The following GRAMD4 variants were observed in gnomAD, a reference collection of about 807,000 sequenced individuals.
GRAMD4 encodes GRAM domain containing 4, also known as GRAM domain-containing protein 4.
In GRAMD4, 25 loss-of-function variants were observed where a neutral mutation model predicts 83.9. The ratio of observed to expected loss-of-function variants is 0.30; its 90% CI spans 0.22 to 0.42. The LOEUF is 0.42. Ranked by LOEUF, GRAMD4 falls within the 10% of genes least tolerant of loss-of-function variation. The pLI is 1.00. For missense variants in GRAMD4, 593 were observed against 788.7 expected, an observed-to-expected ratio of 0.75 and a Z score of 2.97; for synonymous variants, 336 against 320.9, an observed-to-expected ratio of 1.05 and a Z score of -0.50.
chr22:46,654,321 C>T (rs1001155415), intron 3 of GRAMD4, among the ~76,000 whole-genome samples: 3 of 152,204 alleles, frequency 2.0e-5, no homozygotes, highest in African/African-American at 7.2e-5. Context: ...AGGGCCAGCC[C>T]GGGCTCACGC....
At chr22:46,601,599 C>T (rs9626890) in intron 1 of GRAMD4, among the ~76,000 whole-genome samples, 8,102 of 152,028 alleles carry the variant, frequency 0.053, 555 homozygotes, top group African/African-American at 0.16. Context: ...GAGTTCGAGA[C>T]CAGTCTGGCA....
In GRAMD4 at chr22:46,678,085, T is replaced by C. The variant is rs1322472324; in HGVS notation, c.*834T>C. On this transcript the variant is annotated 3_prime_UTR_variant, in exon 19 of 19. Coordinates refer to ENST00000406902, the MANE Select transcript of GRAMD4 (RefSeq NM_015124.5). Reference sequence around the variant, plus strand: ...GCACATCTTTCTCACACTTTGCTCTTTGGAAGGCCCAGGAGAACATCCGCG... The same window carrying C: ...GCACATCTTTCTCACACTTTGCTCTCTGGAAGGCCCAGGAGAACATCCGCG... 1.1e-5 allele frequency: 11 copies of C among 985,408 alleles called. No homozygotes were observed. Among genetic ancestry groups the C allele is most frequent in the Non-Finnish European group, 9.6e-6 (8 of 830,014 alleles). The allele number at this position is 985,408 out of a possible 1,614,324, so 61.0% of individuals were successfully genotyped here.
chr22:46,680,721 C>CCCACCCATCCATCCACCCACCCCT (rs2082662748), downstream of GRAMD4, among the ~76,000 whole-genome samples: 1 of 110,246 alleles, frequency 9.1e-6, no homozygotes, highest in Non-Finnish European at 1.8e-5. Flanking sequence ...CATCCACCCA[C>CCCACCCATCCATCCACCCACCCCT]CCACCCATCC....
chr22:46,627,100 C>A, intron 2 of GRAMD4, 139 bp downstream of exon 2: 1 of 645,092 alleles, frequency 1.6e-6, no homozygotes, highest in Non-Finnish European at 2.7e-6. Flanking sequence ...CTCTGTCTCA[C>A]CTGCTCCCGA....
intron 1 of GRAMD4, among the ~76,000 whole-genome samples, chr22:46,593,546 T>A (rs1027777599): frequency 6.6e-6 from 1 of 151,968 alleles, no homozygotes; most frequent in East Asian, 1.9e-4. Context: ...TTAAGTGACT[T>A]CCCGTAGCAG....
intron 3 of GRAMD4, among the ~76,000 whole-genome samples, chr22:46,648,374 A>C (rs565939023): frequency 2.4e-3 from 351 of 144,406 alleles, no homozygotes; most frequent in Middle Eastern, 0.023. Flanking sequence ...GGGTGAGTGG[A>C]TGGATAGATG....
chr22:46,617,078 G>A (rs866107200), upstream of GRAMD4, among the ~76,000 whole-genome samples: 3 of 129,256 alleles, frequency 2.3e-5, no homozygotes, highest in Admixed American at 7.8e-5. Context: ...TCCCCTGTGC[G>A]TGTGGGTTCC....
rs942527034 is a variant in GRAMD4, at chr22:46,672,721, A to G, written c.1085-122A>G. 8.2e-6 allele frequency: 6 copies of G among 731,338 alleles called. No homozygotes were observed. Among genetic ancestry groups the G allele is most frequent in the Non-Finnish European group, 1.4e-5 (6 of 433,830 alleles). The allele number at this position is 731,338 out of a possible 1,614,324, so 45.3% of individuals were successfully genotyped here. ...GGACTGAGCGAGCAGCTGGACTCTCACATCCAGGCTCAGGGTGGAGGGTGC... is the reference window on the plus strand; with the variant it reads ...GGACTGAGCGAGCAGCTGGACTCTCGCATCCAGGCTCAGGGTGGAGGGTGC... On this transcript the variant is annotated intron_variant, in intron 13 of 18. Transcript: ENST00000406902. The surrounding 1 kb of genome is among the most constrained non-coding windows in gnomAD (Gnocchi z 4.7).
chr22:46,636,574 G>T (rs1601607018), intron 2 of GRAMD4, among the ~76,000 whole-genome samples: 1 of 152,222 alleles, frequency 6.6e-6, no homozygotes, highest in East Asian at 1.9e-4. Flanking sequence ...TGCTGCTCCG[G>T]GTGGCCTTGT....
intron 10 of GRAMD4, among the ~76,000 whole-genome samples, chr22:46,667,610 A>C (rs1361151731): frequency 3.9e-5 from 6 of 152,252 alleles, no homozygotes; most frequent in African/African-American, 1.4e-4. Flanking sequence ...CGGTGCCTCC[A>C]CGGGCCTAGT....
At chr22:46,680,340 G>A (rs1247262169), downstream of GRAMD4, among the ~76,000 whole-genome samples, 3 of 152,000 alleles carry the variant, frequency 2.0e-5, no homozygotes, top group South Asian at 2.1e-4. Context: ...TGCACCTGGT[G>A]CTGCCTAGCC....
At chr22:46,592,597 G>A (rs573790962) in intron 1 of GRAMD4, among the ~76,000 whole-genome samples, 1 of 152,166 alleles carries the variant, frequency 6.6e-6, no homozygotes, top group Non-Finnish European at 1.5e-5. Flanking sequence ...TCACTGTTCC[G>A]ACTGCACCAG....
intron 1 of GRAMD4, among the ~76,000 whole-genome samples, chr22:46,594,138 AC>A (rs1021898531): frequency 1.1e-5 from 1 of 92,456 alleles, no homozygotes; most frequent in Non-Finnish European, 2.3e-5. Context: ...TGCCAGCCCC[AC>A]CCCAGCATCC....
Position 46,577,558 on chromosome 22 carries a change from A to C in GRAMD4, c.-50+268A>C, listed in dbSNP as rs542193125. Among the ~76,000 whole-genome samples, 486 of 132,398 alleles carry C rather than the reference A, an allele frequency of 3.7e-3. 3 individuals are homozygous for C. Among genetic ancestry groups the C allele is most frequent in the African/African-American group, 0.012 (468 of 39,898 alleles). 86.9% of individuals were successfully genotyped at this position (132,398 alleles called of 152,430 possible). Reference sequence around the variant, plus strand: ...TTCTGCCCGCCGGCTGGGGGAGACGAGGACATCCCGGGGTTGCGGGGCCCG... The same window carrying C: ...TTCTGCCCGCCGGCTGGGGGAGACGCGGACATCCCGGGGTTGCGGGGCCCG... On this transcript the variant is annotated intron_variant, in intron 1 of 1. Transcript: ENST00000431155.
At chr22:46,635,475 A>G (rs541860214) in intron 2 of GRAMD4, among the ~76,000 whole-genome samples, 60 of 10,502 alleles carry the variant, frequency 5.7e-3, no homozygotes, top group Middle Eastern at 0.071. Flanking sequence ...CCCTGCCCCC[A>G]CCCCTGGCCA....
chr22:46,655,229 A>T (rs1426407238), intron 3 of GRAMD4, among the ~76,000 whole-genome samples: 2 of 136,828 alleles, frequency 1.5e-5, no homozygotes, highest in Non-Finnish European at 3.1e-5. Flanking sequence ...AAGCCCAAAA[A>T]GCAAAGATGA....
At chr22:46,616,741 C>G (rs185045286), upstream of GRAMD4, among the ~76,000 whole-genome samples, 1 of 90,008 alleles carries the variant, frequency 1.1e-5, no homozygotes, top group Non-Finnish European at 2.2e-5. Context: ...CCCGTGTGTG[C>G]AGGTTCCCCT....
At position 46,601,147 on chromosome 22, in the gene GRAMD4, G is replaced by GA. The variant is rs944064184; in HGVS notation, c.-50+23867dup. Among the ~76,000 whole-genome samples, 118 of 147,802 alleles carry GA rather than the reference G, an allele frequency of 8.0e-4. 1 individual carries two copies. The highest frequency in any genetic ancestry group is 6.3e-3 in the Admixed American group (94 of 14,882). ...TGACAGAGCGAGACTCTGTCTCAAA[G>GA]AAAAAAAAAATCACTACTTAAAAAA... On this transcript the variant is annotated intron_variant, in intron 1 of 1. Transcript: ENST00000431155.
At chr22:46,671,508 T>A (rs1014042253) in intron 13 of GRAMD4, among the ~76,000 whole-genome samples, 2 of 145,846 alleles carry the variant, frequency 1.4e-5, no homozygotes, top group African/African-American at 2.5e-5. Flanking sequence ...TAAAAAAAAT[T>A]AGCCAGGCAT....
Sources: gnomAD v4.1 joint callset for allele counts (sites outside exome capture counted in the v4.1 genomes callset) on GRCh38, gnomAD v4.1.1 for gene constraint, Gnocchi (gnomAD v3.1) non-coding constraint, MANE v1.5 for transcripts, NCBI Gene and HGNC (gene_info 2026-07-23, HGNC 2026-07-21) for gene names.